Variants in CEP85L observed in about 807,000 individuals in gnomAD.
The protein encoded by CEP85L is centrosomal protein of 85 kDa-like.
A neutral mutation model predicts 100.3 loss-of-function variants in CEP85L; 60 were observed. The observed-to-expected ratio is 0.60, with a 90% CI of 0.49 to 0.74. CEP85L has a LOEUF of 0.74. Ranked by LOEUF, CEP85L falls within the 30% of genes least tolerant of loss-of-function variation. The pLI, the probability that CEP85L is intolerant of heterozygous loss-of-function variation, is 0.00. For synonymous variants in CEP85L, 319 were observed against 322.7 expected, an observed-to-expected ratio of 0.99 and a Z score of 0.12; for missense variants, 973 against 936.2, an observed-to-expected ratio of 1.04 and a Z score of -0.51.
intron 1 of CEP85L, among the ~76,000 whole-genome samples, chr6:118,640,456 A>G (rs539681254): frequency 6.6e-6 from 1 of 152,262 alleles, no homozygotes; most frequent in Admixed American, 6.5e-5. Context: ...TATGTAAGAG[A>G]AGAAAAAAAT....
intron 1 of CEP85L, among the ~76,000 whole-genome samples, chr6:118,673,690 A>C (rs1400434807): frequency 1.3e-5 from 2 of 152,234 alleles, no homozygotes; most frequent in African/African-American, 4.8e-5. Context: ...GACTGTATCT[A>C]ATATTTCAAC....
intron 1 of CEP85L, among the ~76,000 whole-genome samples, chr6:118,690,966 C>G (rs1417917637): frequency 6.6e-6 from 1 of 150,798 alleles, no homozygotes; most frequent in Non-Finnish European, 1.5e-5. Flanking sequence ...CACTGCATTC[C>G]CACCTGGGTG....
At chr6:118,488,781 C>CA (rs1324543809) in intron 6 of CEP85L, among the ~76,000 whole-genome samples, 2 of 151,946 alleles carry the variant, frequency 1.3e-5, no homozygotes, top group Non-Finnish European at 2.9e-5. Flanking sequence ...TTGTCAAAGT[C>CA]AAAAAGAGAA....
intron 2 of CEP85L, among the ~76,000 whole-genome samples, chr6:118,595,427 G>C (rs1378484613): frequency 1.3e-5 from 2 of 152,128 alleles, no homozygotes; most frequent in Non-Finnish European, 2.9e-5. Flanking sequence ...TTCCTCAATG[G>C]TAAGTCTAGA....
At chr6:118,709,728 TA>T (rs1163749531) in intron 1 of CEP85L, among the ~76,000 whole-genome samples, 1 of 152,080 alleles carries the variant, frequency 6.6e-6, no homozygotes, top group Non-Finnish European at 1.5e-5. Context: ...AAAACAAAGA[TA>T]AAACACTCCA....
intron 3 of CEP85L, among the ~76,000 whole-genome samples, chr6:118,543,451 A>G (rs1482081351): frequency 6.6e-6 from 1 of 151,482 alleles, no homozygotes; most frequent in African/African-American, 2.4e-5. Context: ...AAAATCAATC[A>G]GTCTCTATTC....
intron 10 of CEP85L, 115 bp from the exon 11 acceptor site, chr6:118,470,759 T>TCC: frequency 2.0e-6 from 1 of 497,266 alleles, no homozygotes; most frequent in East Asian, 3.3e-5. Context: ...TTCCTCCCCA[T>TCC]CCCCTTGGAA....
chr6:118,633,298 G>A lies in CEP85L; in HGVS notation c.74-687C>T, dbSNP rs374788801. Among the ~76,000 whole-genome samples the A allele has an allele frequency of 2.9e-3, 445 of 150,880 alleles. 1 individual carries two copies. The highest frequency in any genetic ancestry group is 4.2e-3 in the Non-Finnish European group (286 of 67,820). ...CTGCTCACTGTAAGCGCTGCCTCCCGGGTTCACGCCATTCTCCTGCCTCAG... is the reference window on the plus strand; with the variant it reads ...CTGCTCACTGTAAGCGCTGCCTCCCAGGTTCACGCCATTCTCCTGCCTCAG... On this transcript the variant is annotated intron_variant, in intron 1 of 12. Transcript: ENST00000368491.
chr6:118,622,808 A>T (rs1773538612), intron 2 of CEP85L, among the ~76,000 whole-genome samples: 1 of 152,246 alleles, frequency 6.6e-6, no homozygotes, highest in South Asian at 2.1e-4. Flanking sequence ...TGCCGGGGTC[A>T]TCAAAAAGAT....
chr6:118,468,639 G>A (rs1772710827), intron 12 of CEP85L, among the ~76,000 whole-genome samples: 1 of 152,140 alleles, frequency 6.6e-6, no homozygotes, highest in African/African-American at 2.4e-5. Flanking sequence ...GAAATCACTG[G>A]CACTCACGTG....
chr6:118,564,488 A>G (rs778708996), intron 3 of CEP85L, among the ~76,000 whole-genome samples: 1 of 152,240 alleles, frequency 6.6e-6, no homozygotes. Flanking sequence ...TGTTGTTTAA[A>G]TACATAATCA....
intron 6 of CEP85L, among the ~76,000 whole-genome samples, chr6:118,484,809 A>G (rs1439674624): frequency 1.3e-5 from 2 of 152,238 alleles, no homozygotes; most frequent in Admixed American, 1.3e-4. Flanking sequence ...ATAGTGTACT[A>G]AACAATGCAA....
chr6:118,513,637 CT>C (rs1776096726), intron 4 of CEP85L, among the ~76,000 whole-genome samples: 1 of 151,926 alleles, frequency 6.6e-6, no homozygotes, highest in African/African-American at 2.4e-5. Context: ...CAAAAAAAAC[CT>C]GTTAACCTAT....
At chr6:118,514,538 A>G (rs72952735) in intron 4 of CEP85L, among the ~76,000 whole-genome samples, 15 of 148,044 alleles carry the variant, frequency 1.0e-4, no homozygotes, top group Non-Finnish European at 1.0e-4. Context: ...AAAAAAAAAA[A>G]AAAAAGAAAA....
intron 1 of CEP85L, chr6:118,664,471 C>G (rs977995206): frequency 6.6e-6 from 1 of 152,374 alleles, no homozygotes; most frequent in African/African-American, 2.4e-5. Flanking sequence ...GAATGCTTCA[C>G]GAAGGAGGGA....
intron 1 of CEP85L, among the ~76,000 whole-genome samples, chr6:118,640,482 A>G (rs747329456): frequency 2.1e-4 from 32 of 152,248 alleles, no homozygotes; most frequent in Non-Finnish European, 3.5e-4. Context: ...AATAGTACCT[A>G]TATTATAGGG....
Position 118,462,059 on chromosome 6 carries a change from G to C in CEP85L, c.*3346C>G, listed in dbSNP as rs957795285. ...AATTAATAATTCTTGCACTATGAAA[G>C]AATTACTTTATAAGCTCCTTAGTAT... On this transcript the variant is annotated 3_prime_UTR_variant, in exon 13 of 13. Coordinates refer to ENST00000368491, the MANE Select transcript of CEP85L (RefSeq NM_001042475.3). The C allele has an allele frequency of 6.6e-6, 1 of 151,884 alleles. No individual in the cohort carries two copies. The highest frequency in any genetic ancestry group is 2.4e-5 in the African/African-American group (1 of 41,388). 9.4% of individuals were successfully genotyped at this position (151,884 alleles called of 1,614,324 possible).
At chr6:118,540,082 C>A (rs1777823452) in intron 3 of CEP85L, among the ~76,000 whole-genome samples, 1 of 149,250 alleles carries the variant, frequency 6.7e-6, no homozygotes, top group Admixed American at 6.7e-5. Context: ...CTCCAGAGTC[C>A]AGTTCATCAC....
chr6:118,594,647 TC>T (rs1168066271), intron 2 of CEP85L, among the ~76,000 whole-genome samples: 1 of 151,798 alleles, frequency 6.6e-6, no homozygotes, highest in Non-Finnish European at 1.5e-5. Flanking sequence ...GGCTGGTGGA[TC>T]ACGAGGTCAG....
Sources: gnomAD v4.1 joint callset for allele counts (sites outside exome capture counted in the v4.1 genomes callset) on GRCh38, gnomAD v4.1.1 for gene constraint, MANE v1.5 for transcripts, NCBI Gene and HGNC (gene_info 2026-07-23, HGNC 2026-07-21) for gene names.